Variants in CCDC88A observed in about 807,000 individuals in gnomAD.
CCDC88A encodes the protein coiled-coil and HOOK domain protein 88A.
Under a neutral mutation model 234.3 loss-of-function variants are expected in CCDC88A, and 54 were observed. That is an observed-to-expected ratio of 0.23 (90% CI 0.19 to 0.29). CCDC88A has a LOEUF of 0.29. Among genes scored for constraint, CCDC88A ranks in the 10% least tolerant of loss-of-function variants. The pLI, the probability that CCDC88A is intolerant of heterozygous loss-of-function variation, is 1.00. For missense variants in CCDC88A, 1,832 were observed against 2,123.4 expected (o/e 0.86, Z 2.70); for synonymous variants, 753 against 737.8 (o/e 1.02, Z -0.33).
intron 2 of CCDC88A, among the ~76,000 whole-genome samples, chr2:55,409,090 T>C (rs1680053398): frequency 1.3e-5 from 2 of 152,344 alleles, no homozygotes; most frequent in South Asian, 4.1e-4. Flanking sequence ...CAACTACAAA[T>C]GTGTGGTTTC....
At chr2:55,304,754 G>T (rs976301844) in intron 25 of CCDC88A, among the ~76,000 whole-genome samples, 11 of 152,076 alleles carry the variant, frequency 7.2e-5, no homozygotes, top group African/African-American at 2.7e-4. Flanking sequence ...CCATTCTTAA[G>T]CTACATTTTA....
intron 17 of CCDC88A, among the ~76,000 whole-genome samples, chr2:55,327,050 GT>G (rs1684356453): frequency 6.6e-6 from 1 of 151,910 alleles, no homozygotes. Flanking sequence ...GTTTTGTTTT[GT>G]TTTGTTCTTA....
At chr2:55,346,935 T>C (rs888775461) in intron 9 of CCDC88A, among the ~76,000 whole-genome samples, 7 of 152,152 alleles carry the variant, frequency 4.6e-5, no homozygotes, top group African/African-American at 1.7e-4. Context: ...TTAAATATCA[T>C]GCTATCTGTC....
chr2:55,354,104 G>C (rs993459597), intron 8 of CCDC88A, among the ~76,000 whole-genome samples: 1 of 151,628 alleles, frequency 6.6e-6, no homozygotes, highest in Non-Finnish European at 1.5e-5. Context: ...ACATAGGAAA[G>C]GTACAGTAAA....
At chr2:55,390,445 C>T (rs1216749549) in intron 2 of CCDC88A, among the ~76,000 whole-genome samples, 1 of 152,178 alleles carries the variant, frequency 6.6e-6, no homozygotes, top group Non-Finnish European at 1.5e-5. Context: ...AATCCCCAAC[C>T]TTGGATCAAT....
At chr2:55,377,358 A>T (rs1369898979) in intron 3 of CCDC88A, among the ~76,000 whole-genome samples, 2 of 150,102 alleles carry the variant, frequency 1.3e-5, no homozygotes, top group African/African-American at 4.9e-5. Flanking sequence ...AGGTCTCGCT[A>T]TGTTGCCCAA....
rs13430382 is a variant in CCDC88A at position 55,390,050 on chromosome 2, T to G, written c.165-1164A>C. On this transcript the variant is annotated intron_variant, in intron 2 of 32. Transcript: ENST00000436346. ...AGCGAGACTCAAAAAAAAAAAAAAA[T>G]AAAAAATAAAGATAGAACATTTCAA... Among the ~76,000 whole-genome samples, 50 of 99,122 alleles carry G rather than the reference T, an allele frequency of 5.0e-4. 6 individuals are homozygous for G. Among genetic ancestry groups the G allele is most frequent in the Middle Eastern group, 0.013 (2 of 156 alleles). 65.0% of individuals were successfully genotyped at this position (99,122 alleles called of 152,430 possible).
rs138366919 is a variant in CCDC88A, at chr2:55,401,911, G to A, written c.165-13025C>T. ...ATGCTTTAATTTAAAAACTGCAAAT[G>A]GACACAAAAATAATTAAAATCCAGT... On this transcript the variant is annotated intron_variant, in intron 2 of 32. Coordinates refer to ENST00000436346, the MANE Select transcript of CCDC88A (RefSeq NM_001365480.1). Among the ~76,000 whole-genome samples the A allele has an allele frequency of 3.6e-3, 542 of 152,068 alleles. 3 individuals are homozygous for A. Among genetic ancestry groups the A allele is most frequent in the African/African-American group, 0.012 (517 of 41,482 alleles).
At chr2:55,343,581 C>A in intron 12 of CCDC88A, 67 bp downstream of exon 12, 2 of 1,252,404 alleles carry the variant, frequency 1.6e-6, no homozygotes, top group South Asian at 1.5e-5. Flanking sequence ...AAATAAAGAA[C>A]TGCAAGTAAA....
In CCDC88A at chr2:55,335,113, A is replaced by T; in HGVS notation, c.1708T>A (p.Leu570Ile). 1 of 1,582,434 alleles carries T rather than the reference A, an allele frequency of 6.3e-7. No homozygotes were observed. The highest frequency in any genetic ancestry group is 8.6e-7 in the Non-Finnish European group (1 of 1,168,686). ...NEHLNQTVSS[L>I]RQRSQISAEA... ...GCACTTATCTGGGACCGCTGCCTTA[A>T]GGAAGACACTGTTTGATTCAGATGT... The change falls in exon 15 of 33, where the codon TTA (leucine) becomes ATA (isoleucine). Residue 570 changes from leucine (L) to isoleucine (I), a missense_variant. Transcript: ENST00000436346. The surrounding 1 kb of genome is among the most constrained non-coding windows in gnomAD (Gnocchi z 4.5).
intron 29 of CCDC88A, among the ~76,000 whole-genome samples, chr2:55,299,401 C>T (rs1402914669): frequency 1.3e-5 from 2 of 152,018 alleles, no homozygotes; most frequent in Non-Finnish European, 2.9e-5. Context: ...TATATATATA[C>T]ACAAATAGTT....
chr2:55,339,604 T>A lies in CCDC88A; in HGVS notation c.1378A>T (p.Ser460Cys). 1 of 1,613,390 alleles carries A rather than the reference T, an allele frequency of 6.2e-7. No individual in the cohort carries two copies. Reference sequence around the variant, plus strand: ...TCCATCTCTAGCTTCAATAATCTACTTGATGTCAACTCATTCACCTCATGG... The same window carrying A: ...TCCATCTCTAGCTTCAATAATCTACATGATGTCAACTCATTCACCTCATGG... ...LGHEVNELTSSRLLKLEMENQ... is the reference protein window; with the variant it reads ...LGHEVNELTSCRLLKLEMENQ... Residue 460 changes from serine to cysteine, a missense_variant, in exon 13 of 33, where the codon AGT becomes TGT. By Grantham distance (112) the Ser-to-Cys change is moderately radical. Around this residue, in one of 6 missense-constraint regions of CCDC88A, gnomAD observed 1,282 missense variants for 1,543.6 expected, o/e 0.83. Coordinates refer to ENST00000436346, the MANE Select transcript of CCDC88A (RefSeq NM_001365480.1).
At chr2:55,383,948 G>A (rs1675036171) in intron 3 of CCDC88A, among the ~76,000 whole-genome samples, 1 of 152,100 alleles carries the variant, frequency 6.6e-6, no homozygotes, top group South Asian at 2.1e-4. Context: ...ATTGGTTGGT[G>A]CGAAAGTAAT....
Position 55,298,268 on chromosome 2 carries a change from T to A in CCDC88A, c.4825+1571A>T, listed in dbSNP as rs527946287. Among the ~76,000 whole-genome samples the A allele has an allele frequency of 4.4e-5, 5 of 114,300 alleles. No homozygotes were observed. In the East Asian group the frequency reaches 1.4e-3, roughly 33 times the overall value. 75.0% of individuals were successfully genotyped at this position (114,300 alleles called of 152,430 possible). On this transcript the variant is annotated intron_variant, in intron 29 of 32. Coordinates refer to ENST00000436346, the MANE Select transcript of CCDC88A (RefSeq NM_001365480.1). ...ATGTAACATTTTACAAAAGTAAGAGTTTCTTAAATTTTCAAATCAGAAAAA... is the reference window on the plus strand; with the variant it reads ...ATGTAACATTTTACAAAAGTAAGAGATTCTTAAATTTTCAAATCAGAAAAA...
chr2:55,322,836 G>A (rs1418532501), intron 17 of CCDC88A, 144 bp from the exon 18 acceptor site: 1 of 441,734 alleles, frequency 2.3e-6, no homozygotes. Context: ...TATGATTTAT[G>A]CTTTTTAAAA....
chr2:55,289,465 T>G lies in CCDC88A; in HGVS notation c.*1735A>C, dbSNP rs539699476. The G allele has an allele frequency of 8.5e-5, 13 of 152,412 alleles. No homozygotes were observed. Among genetic ancestry groups the G allele is most frequent in the Non-Finnish European group, 1.5e-4 (10 of 68,022 alleles). 9.4% of individuals were successfully genotyped at this position (152,412 alleles called of 1,614,324 possible). ...AGGGAGTTATGAGAGAGAGAGATGTTTCAAAGTCTACGGAAAAGGTTTTAG... is the reference window on the plus strand; with the variant it reads ...AGGGAGTTATGAGAGAGAGAGATGTGTCAAAGTCTACGGAAAAGGTTTTAG... On this transcript the variant is annotated 3_prime_UTR_variant, in exon 33 of 33. Coordinates refer to ENST00000436346, the MANE Select transcript of CCDC88A (RefSeq NM_001365480.1).
chr2:55,375,497 ATATATATATATATATGTATGTATG>A (rs1673508031), intron 3 of CCDC88A, among the ~76,000 whole-genome samples: 1 of 23,178 alleles, frequency 4.3e-5, no homozygotes, highest in Non-Finnish European at 1.4e-4. Context: ...ATATATATAT[ATATATATATATATATGTATGTATG>A]TATAAATATG....
intron 7 of CCDC88A, 126 bp downstream of exon 7, chr2:55,362,182 A>C: frequency 1.5e-6 from 1 of 675,148 alleles, no homozygotes; most frequent in South Asian, 2.8e-5. Flanking sequence ...TGTGTTCCAC[A>C]CAAAAAAAGA....
Position 55,346,463 on chromosome 2 carries a change from A to C in CCDC88A, c.883-130T>G, listed in dbSNP as rs1040878460. On this transcript the variant is annotated intron_variant, in intron 9 of 32. Coordinates refer to ENST00000436346, the MANE Select transcript of CCDC88A (RefSeq NM_001365480.1). ...AGATGGAGTTTCACTCTTGTTGCCCAGGCTGGAGTGCAATGGTGCAATCTC... is the reference window on the plus strand; with the variant it reads ...AGATGGAGTTTCACTCTTGTTGCCCCGGCTGGAGTGCAATGGTGCAATCTC... 4 of 471,190 alleles carry C rather than the reference A, an allele frequency of 8.5e-6. No homozygotes were observed. The Admixed American group carries it at 1.6e-4, about 18-fold the overall frequency. The allele number at this position is 471,190 out of a possible 1,614,324, so 29.2% of individuals were successfully genotyped here.
Sources: allele counts gnomAD v4.1 joint callset (sites outside exome capture counted in the v4.1 genomes callset), GRCh38; gene constraint gnomAD v4.1.1; regional missense constraint gnomAD v4.1.1; non-coding constraint Gnocchi (gnomAD v3.1); transcripts MANE v1.5; gene names NCBI Gene and HGNC (gene_info 2026-07-23, HGNC 2026-07-21).